The following MPPED1 variants were observed in gnomAD, a reference collection of about 807,000 sequenced individuals.
MPPED1 encodes metallophosphoesterase domain-containing protein 1.
MPPED1 carries 16 observed loss-of-function variants against 36.2 expected under a neutral mutation model. The observed-to-expected ratio is 0.44, with a 90% CI of 0.30 to 0.67. The LOEUF (loss-of-function observed/expected upper bound fraction) is 0.67. Ranked by LOEUF, MPPED1 falls within the 30% of genes least tolerant of loss-of-function variation. The pLI, the probability that MPPED1 is intolerant of heterozygous loss-of-function variation, is 0.10. For missense variants in MPPED1, 307 were observed against 453.4 expected (o/e 0.68, Z 2.93); for synonymous variants, 199 against 191.3 (o/e 1.04, Z -0.33).
At chr22:43,504,725 T>C (rs765634754) in intron 6 of MPPED1, among the ~76,000 whole-genome samples, 14 of 151,716 alleles carry the variant, frequency 9.2e-5, no homozygotes, top group Non-Finnish European at 1.8e-4. Context: ...ATAATGATGA[T>C]GATAATAGGA....
intron 4 of MPPED1, among the ~76,000 whole-genome samples, chr22:43,490,080 A>G (rs529010369): frequency 3.9e-5 from 6 of 152,336 alleles, no homozygotes; most frequent in African/African-American, 1.4e-4. Context: ...CAGGGGCAGA[A>G]CTGGGGTGTC....
At position 43,497,687 on chromosome 22, in the gene MPPED1, G is replaced by A. The variant is rs1932464057; in HGVS notation, c.633-548G>A. Among the ~76,000 whole-genome samples, 3 of 151,558 alleles carry A rather than the reference G, an allele frequency of 2.0e-5. No homozygotes were observed. In the South Asian group the frequency reaches 6.2e-4, roughly 32 times the overall value. ...GGCCCCACCCTCCCAGCTGGGGATG[G>A]GCTCAACTCTACCTGGACTCCCTGG... On this transcript the variant is annotated intron_variant, in intron 4 of 6. Coordinates refer to ENST00000443721, the MANE Select transcript of MPPED1 (RefSeq NM_001044370.2).
intron 3 of MPPED1, among the ~76,000 whole-genome samples, chr22:43,442,901 G>C (rs1396847030): frequency 6.6e-6 from 1 of 152,142 alleles, no homozygotes; most frequent in Non-Finnish European, 1.5e-5. Flanking sequence ...CTCTCCCGCG[G>C]GGCTGTGACT....
intron 1 of MPPED1, among the ~76,000 whole-genome samples, chr22:43,419,715 G>A (rs775484371): frequency 6.6e-5 from 10 of 151,102 alleles, no homozygotes; most frequent in Non-Finnish European, 1.2e-4. Flanking sequence ...GGTCAAGACC[G>A]CCAGGAGACC....
At chr22:43,500,067 GTGATGGAGGTGGTGGTGATGGCGA>G (rs1932620063) in intron 5 of MPPED1, among the ~76,000 whole-genome samples, 2 of 118,196 alleles carry the variant, frequency 1.7e-5, no homozygotes, top group Non-Finnish European at 3.5e-5. Flanking sequence ...GGTGGTGATG[GTGATGGAGGTGGTGGTGATGGCGA>G]TGGAGGTGGT....
chr22:43,442,414 C>T lies in MPPED1; in HGVS notation c.406+7199C>T, dbSNP rs79708915. Among the ~76,000 whole-genome samples, 999 of 152,202 alleles carry T rather than the reference C, an allele frequency of 6.6e-3. 14 individuals carry two copies. The highest frequency in any genetic ancestry group is 0.023 in the African/African-American group (943 of 41,520). On this transcript the variant is annotated intron_variant, in intron 3 of 6. Transcript: ENST00000443721. ...ACTTGAGCACTGCAAGATCCTGCCC[C>T]GTGGCTGCCCCTTCTGACTGCTGCA...
At chr22:43,452,678 G>C (rs1304479163) in intron 3 of MPPED1, among the ~76,000 whole-genome samples, 1 of 152,212 alleles carries the variant, frequency 6.6e-6, no homozygotes, top group Non-Finnish European at 1.5e-5. Context: ...CACCCAGGCT[G>C]GAGTGCAGTG....
At position 43,449,477 on chromosome 22, in the gene MPPED1, G is replaced by A. The variant is rs183860068; in HGVS notation, c.406+14262G>A. On this transcript the variant is annotated intron_variant, in intron 3 of 6. Coordinates refer to ENST00000443721, the MANE Select transcript of MPPED1 (RefSeq NM_001044370.2). ...TCAGTGTTGTTATTGGCTAAGTCAA[G>A]GAATGCACTCATCCCCTTATCCTAT... Among the ~76,000 whole-genome samples, 343 of 131,670 alleles carry A rather than the reference G, an allele frequency of 2.6e-3. 2 individuals carry two copies. The highest frequency in any genetic ancestry group is 2.9e-3 in the Non-Finnish European group (189 of 65,610). The allele number at this position is 131,670 out of a possible 152,430, so 86.4% of individuals were successfully genotyped here.
rs144507905 is a variant in MPPED1 at position 43,504,839 on chromosome 22, T to C, written c.863-659T>C. Among the ~76,000 whole-genome samples, 890 of 146,920 alleles carry C rather than the reference T, an allele frequency of 6.1e-3. 12 individuals carry two copies. Among genetic ancestry groups the C allele is most frequent in the African/African-American group, 0.021 (840 of 40,030 alleles). Reference sequence around the variant, plus strand: ...ATGGTGGTGATGATTGTAGTGATGATAGATAGCATTAGTGAAGATGATGAT... The same window carrying C: ...ATGGTGGTGATGATTGTAGTGATGACAGATAGCATTAGTGAAGATGATGAT... On this transcript the variant is annotated intron_variant, in intron 6 of 6. Coordinates refer to ENST00000443721, the MANE Select transcript of MPPED1 (RefSeq NM_001044370.2).
At chr22:43,447,788 G>A (rs1601966479) in intron 3 of MPPED1, among the ~76,000 whole-genome samples, 1 of 140,798 alleles carries the variant, frequency 7.1e-6, no homozygotes, top group East Asian at 2.0e-4. Context: ...GAGGACTCTT[G>A]GGGAGCACAC....
intron 4 of MPPED1, among the ~76,000 whole-genome samples, chr22:43,489,101 G>C (rs908505237): frequency 6.6e-6 from 1 of 152,154 alleles, no homozygotes; most frequent in Non-Finnish European, 1.5e-5. Flanking sequence ...GGGGCCACGT[G>C]GACTTCGGGC....
chr22:43,491,684 T>G (rs1334990541), intron 4 of MPPED1, among the ~76,000 whole-genome samples: 1,210 of 48,022 alleles, frequency 0.025, no homozygotes, highest in Middle Eastern at 0.083. Flanking sequence ...AGGTGGTGGT[T>G]ATGGAGGTGG....
intron 1 of MPPED1, among the ~76,000 whole-genome samples, chr22:43,414,100 A>G (rs372907420): frequency 6.6e-6 from 1 of 152,220 alleles, no homozygotes; most frequent in East Asian, 1.9e-4. Context: ...TAGGCGAACA[A>G]TAAGAATTTT....
At chr22:43,434,469 G>C (rs763271928) in intron 2 of MPPED1, among the ~76,000 whole-genome samples, 15 of 152,206 alleles carry the variant, frequency 9.9e-5, no homozygotes, top group Non-Finnish European at 1.8e-4. Flanking sequence ...TACTCCATGC[G>C]GTCTCAGTGG....
At chr22:43,498,396 G>C (rs1356423435) in intron 5 of MPPED1, 46 bp downstream of exon 5, 23 of 1,458,742 alleles carry the variant, frequency 1.6e-5, no homozygotes, top group Non-Finnish European at 1.9e-5. Flanking sequence ...ATCTGGGCTG[G>C]TGGGTGGGCT....
chr22:43,454,835 T>C (rs1930696852), intron 3 of MPPED1, among the ~76,000 whole-genome samples: 1 of 152,114 alleles, frequency 6.6e-6, no homozygotes, highest in South Asian at 2.1e-4. Context: ...GAGACATATA[T>C]TTCTGTTCTC....
At chr22:43,498,955 G>A (rs369204488) in intron 5 of MPPED1, among the ~76,000 whole-genome samples, 3 of 152,110 alleles carry the variant, frequency 2.0e-5, no homozygotes, top group African/African-American at 7.2e-5. Flanking sequence ...CCTCCAAACT[G>A]CCTCCCACTC....
chr22:43,442,123 T>A (rs1930168773), intron 3 of MPPED1, among the ~76,000 whole-genome samples: 1 of 151,848 alleles, frequency 6.6e-6, no homozygotes, highest in Non-Finnish European at 1.5e-5. Flanking sequence ...TCTCATAATT[T>A]GTCTGTCCTT....
chr22:43,434,975 C>T lies in MPPED1; in HGVS notation c.225-59C>T. On this transcript the variant is annotated intron_variant, in intron 2 of 6. Coordinates refer to ENST00000443721, the MANE Select transcript of MPPED1 (RefSeq NM_001044370.2). The stretch of plus-strand genomic sequence containing the variant: ...TGTGGTGGATGGGGCTGCAGACACA[C>T]CACCCGCAGGCTCGCGGCTCCATGG... 6.4e-6 allele frequency: 10 copies of T among 1,558,108 alleles called. No individual in the cohort carries two copies. The South Asian group carries it at 1.2e-4, about 18-fold the overall frequency.
Sources: gnomAD v4.1 joint callset for allele counts (sites outside exome capture counted in the v4.1 genomes callset) on GRCh38, gnomAD v4.1.1 for gene constraint, MANE v1.5 for transcripts, NCBI Gene and HGNC (gene_info 2026-07-23, HGNC 2026-07-21) for gene names.